GALNT13: variants seen among roughly 807,000 people sequenced by gnomAD.
GALNT13 encodes polypeptide N-acetylgalactosaminyltransferase 13.
In GALNT13, 28 loss-of-function variants were observed where a neutral mutation model predicts 64.2. The ratio of observed to expected loss-of-function variants is 0.44; its 90% CI spans 0.32 to 0.60. The LOEUF (loss-of-function observed/expected upper bound fraction) is 0.60, where lower values mean the gene tolerates loss of function less well. GALNT13 is among the 20% of genes least tolerant of loss of function. The pLI, the probability that GALNT13 is intolerant of heterozygous loss-of-function variation, is 0.05. For synonymous variants in GALNT13, 214 were observed against 224.6 expected, an observed-to-expected ratio of 0.95 and a Z score of 0.42; for missense variants, 577 against 669.8, an observed-to-expected ratio of 0.86 and a Z score of 1.53.
the GALNT13 span, among the ~76,000 whole-genome samples, chr2:153,557,016 C>T: frequency 6.6e-6 from 1 of 152,000 alleles, no homozygotes; most frequent in African/African-American, 2.4e-5. Flanking sequence ...TTGAATGTTC[C>T]CCATCCCCAC....
At chr2:153,247,737 A>G in the GALNT13 span, among the ~76,000 whole-genome samples, 1 of 152,196 alleles carries the variant, frequency 6.6e-6, no homozygotes, top group Non-Finnish European at 1.5e-5. Flanking sequence ...AAGGAGATAG[A>G]GACACAAAAA....
At chr2:153,505,395 G>C in the GALNT13 span, among the ~76,000 whole-genome samples, 1 of 151,788 alleles carries the variant, frequency 6.6e-6, no homozygotes, top group Admixed American at 6.6e-5. Flanking sequence ...TCTGATCTTT[G>C]TCATTACTTT....
the GALNT13 span, among the ~76,000 whole-genome samples, chr2:153,567,405 G>C: frequency 6.6e-6 from 1 of 152,310 alleles, no homozygotes; most frequent in Admixed American, 6.5e-5. Context: ...GAGGTGGTTG[G>C]AAAGCCATTA....
the GALNT13 span, among the ~76,000 whole-genome samples, chr2:153,828,626 G>A: frequency 3.8e-4 from 58 of 152,132 alleles, no homozygotes; most frequent in Non-Finnish European, 6.8e-4. Context: ...GCCTCCAGTC[G>A]TGTGATGGAA....
At chr2:154,445,369 A>G (rs917337260) in intron 12 of GALNT13, among the ~76,000 whole-genome samples, 1 of 151,898 alleles carries the variant, frequency 6.6e-6, no homozygotes, top group Non-Finnish European at 1.5e-5. Flanking sequence ...CTTCTATATT[A>G]CAAACATAAT....
chr2:153,632,044 G>T, the GALNT13 span, among the ~76,000 whole-genome samples: 56 of 152,060 alleles, frequency 3.7e-4, no homozygotes, highest in African/African-American at 1.2e-3. Context: ...AGGCAAAACA[G>T]CATCCTTTGT....
At chr2:153,450,334 C>T in the GALNT13 span, among the ~76,000 whole-genome samples, 4 of 151,868 alleles carry the variant, frequency 2.6e-5, no homozygotes, top group African/African-American at 7.3e-5. Context: ...TTTTTTCCTC[C>T]CCATCTTACT....
chr2:153,970,244 T>C (rs966729248), intron 3 of GALNT13, among the ~76,000 whole-genome samples: 1 of 152,236 alleles, frequency 6.6e-6, no homozygotes. Context: ...ATACCACTTA[T>C]TGTTTCCATA....
chr2:153,444,251 A>T, the GALNT13 span, among the ~76,000 whole-genome samples: 96,915 of 151,964 alleles, frequency 0.64, 31,830 homozygotes, highest in Non-Finnish European at 0.72. Flanking sequence ...CTAGGGTGAT[A>T]GTTAATGTTT....
chr2:154,221,929 G>T (rs1432995164), intron 4 of GALNT13, among the ~76,000 whole-genome samples: 1 of 152,062 alleles, frequency 6.6e-6, no homozygotes, highest in African/African-American at 2.4e-5. Context: ...AAGAGAAATG[G>T]TGGAACCACC....
intron 9 of GALNT13, among the ~76,000 whole-genome samples, chr2:154,358,105 T>A (rs1199415842): frequency 6.6e-6 from 1 of 152,048 alleles, no homozygotes; most frequent in Non-Finnish European, 1.5e-5. Flanking sequence ...CTTGAAATTC[T>A]CATCTGATTT....
rs192762143 is a variant in GALNT13, at chr2:154,408,001, A to T, written c.1297-983A>T. Among the ~76,000 whole-genome samples the T allele has an allele frequency of 2.6e-5, 4 of 152,256 alleles. No homozygotes were observed. In the East Asian group the frequency reaches 7.7e-4, roughly 29 times the overall value. ...GGAAACATGTACTCAGAGCATAGAT[A>T]AGTAAATATATGTGTCCAATAATTC... On this transcript the variant is annotated intron_variant, in intron 10 of 12. Transcript: ENST00000392825.
At chr2:153,508,176 A>G in the GALNT13 span, among the ~76,000 whole-genome samples, 1 of 152,100 alleles carries the variant, frequency 6.6e-6, no homozygotes, top group Admixed American at 6.5e-5. Context: ...CACTCTCAAG[A>G]GCACATCAGC....
At position 154,219,748 on chromosome 2, in the gene GALNT13, A is replaced by C. The variant is rs1332385323; in HGVS notation, c.312-22282A>C. ...AATATCTTTGTGATATCTAGCCCTT[A>C]ATGTGCCATGGTTAGGTCCTATTCC... On this transcript the variant is annotated intron_variant, in intron 4 of 12. Transcript: ENST00000392825. 2.6e-5 allele frequency among the ~76,000 whole-genome samples: 4 copies of C among 152,026 alleles called. No homozygotes were observed. The East Asian group carries it at 7.7e-4, about 29-fold the overall frequency.
intron 2 of GALNT13, among the ~76,000 whole-genome samples, chr2:153,937,565 C>T (rs1224484193): frequency 6.6e-6 from 1 of 152,126 alleles, no homozygotes; most frequent in Non-Finnish European, 1.5e-5. Flanking sequence ...TGGTGATAGA[C>T]ACACAATGTG....
At chr2:153,614,701 C>A in the GALNT13 span, among the ~76,000 whole-genome samples, 1 of 152,002 alleles carries the variant, frequency 6.6e-6, no homozygotes, top group Admixed American at 6.6e-5. Flanking sequence ...GCTATTAATC[C>A]ATGAGACACA....
chr2:153,436,776 G>C, the GALNT13 span, among the ~76,000 whole-genome samples: 3 of 152,116 alleles, frequency 2.0e-5, no homozygotes, highest in Admixed American at 6.5e-5. Flanking sequence ...CAAAAAACCA[G>C]CTCCTGGATT....
At chr2:153,729,597 A>C in the GALNT13 span, among the ~76,000 whole-genome samples, 3 of 152,026 alleles carry the variant, frequency 2.0e-5, no homozygotes, top group Non-Finnish European at 4.4e-5. Context: ...TACTTTGCCC[A>C]CTTTCACTAT....
At chr2:154,153,755 C>T (rs10210643) in intron 4 of GALNT13, among the ~76,000 whole-genome samples, 3 of 152,200 alleles carry the variant, frequency 2.0e-5, no homozygotes, top group Non-Finnish European at 4.4e-5. Context: ...ATATAATCTC[C>T]TGGTGTGCCG....
Sources: allele counts gnomAD v4.1 joint callset (sites outside exome capture counted in the v4.1 genomes callset), GRCh38; gene constraint gnomAD v4.1.1; transcripts MANE v1.5; gene names NCBI Gene and HGNC (gene_info 2026-07-23, HGNC 2026-07-21).